Variants in SLIT3 observed in about 807,000 individuals in gnomAD.
The protein encoded by SLIT3 is slit homolog 3 protein.
SLIT3 carries 68 observed loss-of-function variants against 184.0 expected under a neutral mutation model. The observed-to-expected ratio is 0.37, with a 90% CI of 0.30 to 0.45. The LOEUF is 0.45. Ranked by LOEUF, SLIT3 falls within the 20% of genes least tolerant of loss-of-function variation. The probability of loss-of-function intolerance (pLI) is 1.00; values close to 1 mark genes in which losing one functional copy is unlikely to be tolerated. For missense variants in SLIT3, 1,707 were observed against 2,026.0 expected (o/e 0.84, Z 3.02); for synonymous variants, 831 against 828.6 (o/e 1.00, Z -0.05).
intron 4 of SLIT3, among the ~76,000 whole-genome samples, chr5:169,098,945 C>T (rs1759899422): frequency 6.6e-6 from 1 of 152,084 alleles, no homozygotes; most frequent in Admixed American, 6.5e-5. Context: ...AAGGCCAAAA[C>T]ACTGAGATCC....
rs150619022 is a variant in SLIT3 at position 168,764,561 on chromosome 5, C to T, written c.1460-1872G>A. Among the ~76,000 whole-genome samples, 248 of 152,242 alleles carry T rather than the reference C, an allele frequency of 1.6e-3. 3 individuals carry two copies. Among genetic ancestry groups the T allele is most frequent in the African/African-American group, 5.4e-3 (223 of 41,530 alleles). On this transcript the variant is annotated intron_variant, in intron 14 of 35. Transcript: ENST00000519560. Reference sequence around the variant, plus strand: ...CATAGTGGGCTATGGTGGTGAAGGACGCAGATCTCTCCCACCCTCTTAGTT... The same window carrying T: ...CATAGTGGGCTATGGTGGTGAAGGATGCAGATCTCTCCCACCCTCTTAGTT...
At chr5:168,861,715 G>C (rs2113749404) in intron 5 of SLIT3, among the ~76,000 whole-genome samples, 1 of 152,300 alleles carries the variant, frequency 6.6e-6, no homozygotes, top group East Asian at 1.9e-4. Flanking sequence ...TCCCCAAGCT[G>C]CATGTGGACC....
intron 10 of SLIT3, among the ~76,000 whole-genome samples, chr5:168,793,089 C>T (rs1756436689): frequency 6.6e-6 from 1 of 152,120 alleles, no homozygotes; most frequent in African/African-American, 2.4e-5. Flanking sequence ...ATTCAGAACG[C>T]TGAAATGTTT....
chr5:168,930,801 G>GCC (rs1231175299), intron 4 of SLIT3, among the ~76,000 whole-genome samples: 1 of 151,876 alleles, frequency 6.6e-6, no homozygotes, highest in Non-Finnish European at 1.5e-5. Flanking sequence ...CAAACCAGCA[G>GCC]CCCCCCGAGA....
chr5:168,719,640 T>G (rs567485740), intron 23 of SLIT3, among the ~76,000 whole-genome samples: 55 of 152,352 alleles, frequency 3.6e-4, no homozygotes, highest in Middle Eastern at 3.4e-3. Context: ...ACTGTGGCCC[T>G]TGTAGGTAAT....
intron 21 of SLIT3, among the ~76,000 whole-genome samples, chr5:168,723,672 TG>T (rs949196988): frequency 1.3e-5 from 2 of 152,220 alleles, no homozygotes; most frequent in African/African-American, 4.8e-5. Context: ...CTGAGGTTGG[TG>T]GGGGTGCAGT....
At chr5:169,147,029 T>C (rs1033218075) in intron 4 of SLIT3, among the ~76,000 whole-genome samples, 6 of 152,216 alleles carry the variant, frequency 3.9e-5, no homozygotes, top group Admixed American at 3.9e-4. Context: ...AAGTGCTTGC[T>C]AAATGTCAAT....
chr5:168,916,712 T>G (rs1159523590), intron 4 of SLIT3, among the ~76,000 whole-genome samples: 3 of 152,254 alleles, frequency 2.0e-5, no homozygotes, highest in African/African-American at 7.2e-5. Flanking sequence ...TCAATTCCAT[T>G]GATTTAGATC....
intron 1 of SLIT3, among the ~76,000 whole-genome samples, chr5:169,256,827 C>A (rs375059271): frequency 2.6e-5 from 4 of 152,166 alleles, no homozygotes; most frequent in Non-Finnish European, 5.9e-5. Flanking sequence ...GAGGTGAGAA[C>A]TGTTCCTTCT....
chr5:168,851,543 G>A (rs1195005459), intron 5 of SLIT3, among the ~76,000 whole-genome samples: 1 of 152,154 alleles, frequency 6.6e-6, no homozygotes, highest in African/African-American at 2.4e-5. Flanking sequence ...GACCAAGGAA[G>A]TTTGGTTACT....
chr5:168,727,993 G>A (rs963680815), intron 20 of SLIT3, among the ~76,000 whole-genome samples: 31 of 152,122 alleles, frequency 2.0e-4, no homozygotes, highest in Non-Finnish European at 3.8e-4. Context: ...TCTCCAGGGA[G>A]ATCCGAGGGA....
At chr5:169,125,118 G>T (rs1243895287) in intron 4 of SLIT3, among the ~76,000 whole-genome samples, 1 of 152,078 alleles carries the variant, frequency 6.6e-6, no homozygotes, top group Non-Finnish European at 1.5e-5. Flanking sequence ...CGCAATCTCG[G>T]CTCACTGCAA....
intron 23 of SLIT3, among the ~76,000 whole-genome samples, chr5:168,719,317 G>A (rs928745739): frequency 6.6e-5 from 10 of 152,234 alleles, no homozygotes; most frequent in African/African-American, 1.9e-4. Flanking sequence ...CTCCCGAAGT[G>A]CTGGGATTAC....
At chr5:169,142,622 G>T (rs188702955) in intron 4 of SLIT3, among the ~76,000 whole-genome samples, 3 of 152,304 alleles carry the variant, frequency 2.0e-5, no homozygotes, top group East Asian at 1.9e-4. Flanking sequence ...GGCCAAGCTG[G>T]GTCAACAGAA....
intron 2 of SLIT3, 120 bp downstream of exon 2, chr5:169,251,268 A>C: frequency 1.4e-6 from 1 of 737,992 alleles, no homozygotes; most frequent in East Asian, 2.5e-5. Flanking sequence ...TTTCTGCTGC[A>C]GAATGGTGAA....
At chr5:169,097,211 C>A (rs914701879) in intron 4 of SLIT3, among the ~76,000 whole-genome samples, 3 of 152,164 alleles carry the variant, frequency 2.0e-5, no homozygotes, top group Non-Finnish European at 4.4e-5. Context: ...CTGTTCCCTG[C>A]CTATAGGGCC....
At chr5:169,217,734 G>A (rs1316030113) in intron 3 of SLIT3, among the ~76,000 whole-genome samples, 1 of 152,176 alleles carries the variant, frequency 6.6e-6, no homozygotes, top group African/African-American at 2.4e-5. Context: ...GCCGCTCTGT[G>A]ATTCTAACCC....
At chr5:169,118,059 T>TC (rs1161834359) in intron 4 of SLIT3, among the ~76,000 whole-genome samples, 4 of 152,030 alleles carry the variant, frequency 2.6e-5, no homozygotes, top group Non-Finnish European at 4.4e-5. Flanking sequence ...CACCTATTAA[T>TC]CCCAGTGCTT....
chr5:168,999,449 C>T (rs148439267), intron 4 of SLIT3, among the ~76,000 whole-genome samples: 5,326 of 152,276 alleles, frequency 0.035, 118 homozygotes, highest in Middle Eastern at 0.051. Flanking sequence ...TACATAGAGC[C>T]TTGTGTGGGT....
Sources: allele counts gnomAD v4.1 joint callset (sites outside exome capture counted in the v4.1 genomes callset), GRCh38; gene constraint gnomAD v4.1.1; transcripts MANE v1.5; gene names NCBI Gene and HGNC (gene_info 2026-07-23, HGNC 2026-07-21).